GABRA2: variants seen among roughly 807,000 people sequenced by gnomAD.
GABRA2 encodes the protein gamma-aminobutyric acid type A receptor subunit alpha2.
In GABRA2, 16 loss-of-function variants were observed where a neutral mutation model predicts 48.7. The ratio of observed to expected loss-of-function variants is 0.33; its 90% CI spans 0.22 to 0.50. The LOEUF (loss-of-function observed/expected upper bound fraction) is 0.50. GABRA2 is among the 20% of genes least tolerant of loss of function. GABRA2 has a pLI of 0.98. For missense variants in GABRA2, 275 were observed against 535.6 expected (o/e 0.51, Z 4.80); for synonymous variants, 185 against 184.5 (o/e 1.00, Z -0.02).
At chr4:46,285,156 C>T (rs1027376909) in intron 8 of GABRA2, among the ~76,000 whole-genome samples, 1 of 151,300 alleles carries the variant, frequency 6.6e-6, no homozygotes, top group Non-Finnish European at 1.5e-5. Context: ...CACATGCATA[C>T]ACATACGCTC....
chr4:46,328,586 G>T (rs959957356), intron 4 of GABRA2, among the ~76,000 whole-genome samples: 3 of 150,644 alleles, frequency 2.0e-5, no homozygotes, highest in Non-Finnish European at 2.9e-5. Flanking sequence ...TTGACTTGTG[G>T]GTAATAATAT....
At chr4:46,368,737 A>G (rs574855898) in intron 3 of GABRA2, 1 of 417,344 alleles carries the variant, frequency 2.4e-6, no homozygotes, top group Non-Finnish European at 4.3e-6. Flanking sequence ...TTTAAGACTG[A>G]AGAAAACTTT....
At chr4:46,377,814 A>G (rs1434427378) in intron 3 of GABRA2, among the ~76,000 whole-genome samples, 1 of 133,882 alleles carries the variant, frequency 7.5e-6, no homozygotes, top group Non-Finnish European at 1.6e-5. Flanking sequence ...CTGGGAAGTG[A>G]GGAGCCCCTC....
intron 2 of GABRA2, 94 bp downstream of exon 2, chr4:46,388,542 T>C (rs1717788778): frequency 6.8e-7 from 1 of 1,475,732 alleles, no homozygotes. Flanking sequence ...GAAATAATTC[T>C]TTAAAACACC....
intron 3 of GABRA2, among the ~76,000 whole-genome samples, chr4:46,340,433 T>C (rs947280316): frequency 1.3e-5 from 2 of 151,864 alleles, no homozygotes; most frequent in African/African-American, 4.8e-5. Flanking sequence ...TTTCTATGGA[T>C]TTGCTTATTT....
chr4:46,334,106 A>C (rs1731814508), intron 3 of GABRA2, among the ~76,000 whole-genome samples: 3 of 152,110 alleles, frequency 2.0e-5, no homozygotes, highest in African/African-American at 4.8e-5. Context: ...AAATTTATAA[A>C]ATTATTTCAG....
chr4:46,250,579 A>G lies in GABRA2; in HGVS notation c.1085T>C (p.Ile362Thr). ...AGCCACTGCATAAGCGTTGTTCTGT[A>G]TCATAACGGAAGCCTTTTCTTTTTT... ...DKKKEKASVM[I>T]QNNAYAVAVA... The change falls in exon 10 of 10, where the codon ATA becomes ACA. Residue 362 changes from isoleucine (I) to threonine (T), a missense_variant. Physicochemically the swap from Ile to Thr is moderately conservative, Grantham distance 89. Coordinates refer to ENST00000381620, the MANE Select transcript of GABRA2 (RefSeq NM_000807.4). The G allele has an allele frequency of 1.2e-6, 2 of 1,601,582 alleles. No homozygotes were observed. The highest frequency in any genetic ancestry group is 8.5e-7 in the Non-Finnish European group (1 of 1,174,738).
At chr4:46,318,837 C>T (rs1283148299) in intron 4 of GABRA2, among the ~76,000 whole-genome samples, 1 of 151,664 alleles carries the variant, frequency 6.6e-6, no homozygotes, top group Non-Finnish European at 1.5e-5. Context: ...GGCTTATACA[C>T]AGGAGAAGTG....
chr4:46,361,202 T>TA (rs1235555475), intron 3 of GABRA2, among the ~76,000 whole-genome samples: 5 of 152,128 alleles, frequency 3.3e-5, no homozygotes, highest in African/African-American at 7.2e-5. Flanking sequence ...CCTGGGCATG[T>TA]AAGAGACCTC....
intron 3 of GABRA2, among the ~76,000 whole-genome samples, chr4:46,354,935 C>T (rs1442059): frequency 0.58 from 87,380 of 151,950 alleles, 25,362 homozygotes; most frequent in South Asian, 0.72. Flanking sequence ...ACCTGTGTCT[C>T]AGATTATAAA....
At chr4:46,263,265 T>C (rs756722929) in intron 8 of GABRA2, among the ~76,000 whole-genome samples, 16 of 152,102 alleles carry the variant, frequency 1.1e-4, no homozygotes, top group Non-Finnish European at 8.8e-5. Context: ...GAGGAAGATA[T>C]GGGGCATTAC....
intron 3 of GABRA2, among the ~76,000 whole-genome samples, chr4:46,377,655 G>A (rs1383887629): frequency 5.5e-5 from 8 of 146,088 alleles, no homozygotes; most frequent in South Asian, 2.2e-4. Flanking sequence ...GGTGAGGGGC[G>A]CCTCTGCCCG....
intron 8 of GABRA2, among the ~76,000 whole-genome samples, chr4:46,283,051 C>T (rs1473190560): frequency 2.0e-5 from 3 of 152,166 alleles, no homozygotes; most frequent in Admixed American, 1.3e-4. Context: ...TCTTAATCAC[C>T]TTATGGCCTT....
At chr4:46,389,013 CG>C (rs1385879975) in intron 1 of GABRA2, 9 of 1,169,726 alleles carry the variant, frequency 7.7e-6, no homozygotes, top group Non-Finnish European at 9.5e-6. Context: ...CCAGCCTCAT[CG>C]TCAGCAAACA....
At chr4:46,293,242 T>G (rs976462999) in intron 8 of GABRA2, among the ~76,000 whole-genome samples, 1 of 152,146 alleles carries the variant, frequency 6.6e-6, no homozygotes, top group African/African-American at 2.4e-5. Context: ...CCTCAATCAG[T>G]TTCCAGACTT....
chr4:46,353,569 C>G, intron 3 of GABRA2, among the ~76,000 whole-genome samples: 1 of 152,160 alleles, frequency 6.6e-6, no homozygotes, highest in Non-Finnish European at 1.5e-5. Flanking sequence ...TAATCTCACC[C>G]TCTGTGTCTT....
intron 4 of GABRA2, among the ~76,000 whole-genome samples, chr4:46,317,924 G>GT (rs1409625590): frequency 6.6e-6 from 1 of 151,580 alleles, no homozygotes; most frequent in Non-Finnish European, 1.5e-5. Context: ...ATCATTGCAA[G>GT]TAACAAGTCA....
intron 3 of GABRA2, among the ~76,000 whole-genome samples, chr4:46,373,859 G>C (rs932637052): frequency 1.3e-5 from 2 of 152,036 alleles, no homozygotes; most frequent in African/African-American, 4.8e-5. Context: ...TTGCTTGAAT[G>C]ATTACCCTTA....
intron 3 of GABRA2, among the ~76,000 whole-genome samples, chr4:46,344,162 A>G (rs1455927867): frequency 6.6e-6 from 1 of 152,060 alleles, no homozygotes; most frequent in Non-Finnish European, 1.5e-5. Flanking sequence ...TTTATAAATG[A>G]AAGTAAGCCA....
Sources: allele counts gnomAD v4.1 joint callset (sites outside exome capture counted in the v4.1 genomes callset), GRCh38; gene constraint gnomAD v4.1.1; transcripts MANE v1.5; gene names NCBI Gene and HGNC (gene_info 2026-07-23, HGNC 2026-07-21).